The following ACACA variants were observed in gnomAD, a reference collection of about 807,000 sequenced individuals.
ACACA encodes the protein acetyl-CoA carboxylase 1.
A neutral mutation model predicts 296.1 loss-of-function variants in ACACA; 103 were observed. The ratio of observed to expected loss-of-function variants is 0.35; its 90% confidence interval spans 0.30 to 0.41. ACACA has a LOEUF of 0.41. Among genes scored for constraint, ACACA ranks in the 10% least tolerant of loss-of-function variants. ACACA has a pLI of 1.00. For synonymous variants in ACACA, 953 were observed against 1,038.6 expected (o/e 0.92, Z 1.58); for missense variants, 1,554 against 2,989.7 (o/e 0.52, Z 11.20).
chr17:37,262,902 G>C (rs2081580060), intron 11 of ACACA, among the ~76,000 whole-genome samples: 1 of 151,890 alleles, frequency 6.6e-6, no homozygotes, highest in Non-Finnish European at 1.5e-5. Flanking sequence ...GCTAATTTTT[G>C]TATTTTTAGT....
At chr17:37,276,786 C>A (rs2082300176) in intron 7 of ACACA, among the ~76,000 whole-genome samples, 1 of 152,010 alleles carries the variant, frequency 6.6e-6, no homozygotes, top group Non-Finnish European at 1.5e-5. Context: ...GAAACCAAAG[C>A]CTTCTCCATA....
intron 54 of ACACA, among the ~76,000 whole-genome samples, chr17:37,091,082 T>A (rs566178145): frequency 1.3e-5 from 2 of 152,314 alleles, no homozygotes; most frequent in East Asian, 3.9e-4. Context: ...GGGAGCAGAT[T>A]AATTGTGGCT....
intron 1 of ACACA, among the ~76,000 whole-genome samples, chr17:37,342,436 A>AAAATATAT (rs1555652530): frequency 1.7e-5 from 1 of 58,216 alleles, no homozygotes. Flanking sequence ...AAAAAAAAAA[A>AAAATATAT]ATATATATAT....
At chr17:37,378,043 C>A in intron 1 of ACACA, 1 of 1,291,488 alleles carries the variant, frequency 7.7e-7, no homozygotes, top group Non-Finnish European at 1.1e-6. Flanking sequence ...CTCATCTTCC[C>A]ACTTCCTAGC....
At chr17:37,110,531 T>C (rs778424521) in intron 52 of ACACA, among the ~76,000 whole-genome samples, 1 of 152,216 alleles carries the variant, frequency 6.6e-6, no homozygotes, top group Non-Finnish European at 1.5e-5. Context: ...ACAGGGTTTC[T>C]TGTAACCCAA....
At chr17:37,376,249 A>G (rs2049997625) in intron 1 of ACACA, 2 of 986,490 alleles carry the variant, frequency 2.0e-6, no homozygotes, top group African/African-American at 1.6e-5. Context: ...GCTGATATCC[A>G]GCAAGCAATA....
intron 47 of ACACA, among the ~76,000 whole-genome samples, chr17:37,126,033 T>G (rs949459716): frequency 6.6e-6 from 1 of 152,218 alleles, no homozygotes; most frequent in African/African-American, 2.4e-5. Flanking sequence ...GCATCATTTA[T>G]TGTTAAATGA....
chr17:37,231,512 A>C (rs558945767), intron 25 of ACACA, among the ~76,000 whole-genome samples: 5 of 152,334 alleles, frequency 3.3e-5, no homozygotes, highest in African/African-American at 9.6e-5. Context: ...AATCACTGAG[A>C]AAGACTTTTC....
chr17:37,102,136 A>G (rs1269374260), intron 52 of ACACA, among the ~76,000 whole-genome samples: 2 of 149,484 alleles, frequency 1.3e-5, no homozygotes, highest in Non-Finnish European at 3.0e-5. Context: ...CAGGGTGTCT[A>G]TTTTACAGGT....
intron 1 of ACACA, among the ~76,000 whole-genome samples, chr17:37,401,445 G>A (rs780423983): frequency 1.3e-5 from 2 of 151,770 alleles, no homozygotes; most frequent in Non-Finnish European, 2.9e-5. Flanking sequence ...CACCCGCCTC[G>A]GCCTCCCATG....
intron 45 of ACACA, among the ~76,000 whole-genome samples, chr17:37,148,922 T>C (rs780968913): frequency 6.6e-6 from 1 of 152,214 alleles, no homozygotes; most frequent in Non-Finnish European, 1.5e-5. Flanking sequence ...TTTAAATTAT[T>C]ATCCCCCTTT....
intron 24 of ACACA, among the ~76,000 whole-genome samples, chr17:37,235,421 C>G (rs2080062557): frequency 6.6e-6 from 1 of 151,962 alleles, no homozygotes; most frequent in Non-Finnish European, 1.5e-5. Context: ...GTGGGTGTAC[C>G]TTAAAGACTG....
Position 37,295,615 on chromosome 17 carries a change from G to A in ACACA, c.339-10645C>T, listed in dbSNP as rs574414999. ...ACCAGCCTAGCCAACATGTTGAAACGTTGTCTCTACTAAAAATACAAAAAT... is the reference window on the plus strand; with the variant it reads ...ACCAGCCTAGCCAACATGTTGAAACATTGTCTCTACTAAAAATACAAAAAT... On this transcript the variant is annotated intron_variant, in intron 3 of 55. Coordinates refer to ENST00000616317, the MANE Select transcript of ACACA (RefSeq NM_198834.3). 1.0e-3 allele frequency among the ~76,000 whole-genome samples: 153 copies of A among 151,924 alleles called. 3 individuals carry two copies. In the South Asian group the frequency reaches 0.03, roughly 30 times the overall value.
At chr17:37,338,079 A>G (rs1325503150) in intron 2 of ACACA, among the ~76,000 whole-genome samples, 1 of 151,796 alleles carries the variant, frequency 6.6e-6, no homozygotes, top group Non-Finnish European at 1.5e-5. Flanking sequence ...CCTGGGCAAC[A>G]GAGTGAGACT....
chr17:37,285,108 A>C (rs911259083), intron 3 of ACACA, 138 bp from the exon 4 acceptor site: 1 of 971,866 alleles, frequency 1.0e-6, no homozygotes, highest in African/African-American at 1.6e-5. Context: ...TTTTCAAATA[A>C]AAGAGAGAAA....
At chr17:37,119,881 CTT>C (rs1456821954) in intron 50 of ACACA, among the ~76,000 whole-genome samples, 44 of 146,276 alleles carry the variant, frequency 3.0e-4, no homozygotes, top group African/African-American at 1.1e-3. Context: ...ATTTTCTTTT[CTT>C]TTTCTTTCTT....
intron 52 of ACACA, among the ~76,000 whole-genome samples, chr17:37,103,728 C>G (rs1213051286): frequency 7.2e-6 from 1 of 138,842 alleles, no homozygotes; most frequent in Non-Finnish European, 1.5e-5. Context: ...CACAAACACA[C>G]ACACACACAC....
chr17:37,108,155 T>C (rs1304532904), intron 52 of ACACA, among the ~76,000 whole-genome samples: 5 of 152,130 alleles, frequency 3.3e-5, no homozygotes, highest in African/African-American at 1.2e-4. Flanking sequence ...TTTGCTCACT[T>C]TTCTTTCTGA....
intron 45 of ACACA, chr17:37,141,313 T>C: frequency 2.0e-6 from 1 of 507,782 alleles, no homozygotes. Context: ...GCCCTCAGCC[T>C]TGCCTCCATG....
Sources: allele counts gnomAD v4.1 joint callset (sites outside exome capture counted in the v4.1 genomes callset), GRCh38; gene constraint gnomAD v4.1.1; transcripts MANE v1.5; gene names NCBI Gene and HGNC (gene_info 2026-07-23, HGNC 2026-07-21).